Variants in GABRB1 observed in about 807,000 individuals in gnomAD.
GABRB1 encodes gamma-aminobutyric acid receptor subunit beta-1.
GABRB1 carries 17 observed loss-of-function variants against 51.6 expected under a neutral mutation model. The ratio of observed to expected loss-of-function variants is 0.33; its 90% CI spans 0.23 to 0.49. The LOEUF is 0.49. Ranked by LOEUF, GABRB1 falls within the 20% of genes least tolerant of loss-of-function variation. The pLI, the probability that GABRB1 is intolerant of heterozygous loss-of-function variation, is 0.99. For missense variants in GABRB1, 410 were observed against 600.6 expected (o/e 0.68, Z 3.32); for synonymous variants, 247 against 218.9 (o/e 1.13, Z -1.14).
intron 4 of GABRB1, among the ~76,000 whole-genome samples, chr4:47,312,233 C>G (rs571006943): frequency 2.0e-5 from 3 of 152,158 alleles, no homozygotes; most frequent in African/African-American, 7.2e-5. Flanking sequence ...ACCTAAATTC[C>G]TCTTAAATCT....
intron 4 of GABRB1, among the ~76,000 whole-genome samples, chr4:47,264,230 G>A (rs1722561027): frequency 6.6e-6 from 1 of 152,246 alleles, no homozygotes; most frequent in African/African-American, 2.4e-5. Context: ...TCATAGGAAA[G>A]ACTTAAACCC....
chr4:47,198,347 G>C (rs2109793191), intron 4 of GABRB1, among the ~76,000 whole-genome samples: 1 of 152,218 alleles, frequency 6.6e-6, no homozygotes, highest in Non-Finnish European at 1.5e-5. Context: ...GAGGAAATGT[G>C]GCTTTGTAAA....
chr4:47,195,468 TAGATAGATA>T (rs1719644922), intron 4 of GABRB1, among the ~76,000 whole-genome samples: 13 of 88,106 alleles, frequency 1.5e-4, no homozygotes, highest in South Asian at 1.3e-3. Context: ...AGATGATAGA[TAGATAGATA>T]GATAGATAGA....
At chr4:47,296,311 G>C (rs1243031795) in intron 4 of GABRB1, among the ~76,000 whole-genome samples, 2 of 152,120 alleles carry the variant, frequency 1.3e-5, no homozygotes, top group Admixed American at 1.3e-4. Context: ...GACACAGACT[G>C]GCAAATTGGA....
chr4:47,391,108 G>A (rs1235910554), intron 5 of GABRB1, among the ~76,000 whole-genome samples: 2 of 152,024 alleles, frequency 1.3e-5, no homozygotes, highest in Non-Finnish European at 2.9e-5. Context: ...CATGGGAGGT[G>A]GAGATTGCAG....
intron 3 of GABRB1, among the ~76,000 whole-genome samples, chr4:47,041,556 C>T (rs144670398): frequency 4.6e-4 from 70 of 152,172 alleles, no homozygotes; most frequent in African/African-American, 1.6e-3. Context: ...ATGGATTAAT[C>T]AGAGAAGTTG....
intron 3 of GABRB1, among the ~76,000 whole-genome samples, chr4:47,078,880 C>A (rs1191641810): frequency 6.6e-6 from 1 of 152,144 alleles, no homozygotes; most frequent in African/African-American, 2.4e-5. Context: ...CAGGGTTCTG[C>A]TCTCTGCTAA....
chr4:47,422,919 G>T (rs527553955), intron 8 of GABRB1, among the ~76,000 whole-genome samples: 1 of 152,148 alleles, frequency 6.6e-6, no homozygotes, highest in Admixed American at 6.5e-5. Flanking sequence ...CTAATCAGTT[G>T]CCAAATCAAT....
intron 3 of GABRB1, among the ~76,000 whole-genome samples, chr4:47,126,273 G>T (rs1369668306): frequency 6.6e-6 from 1 of 152,078 alleles, no homozygotes; most frequent in Non-Finnish European, 1.5e-5. Context: ...GGCCAAGTTG[G>T]GGGCAAAGAT....
At chr4:47,409,122 A>G (rs1728675998) in intron 8 of GABRB1, among the ~76,000 whole-genome samples, 1 of 152,198 alleles carries the variant, frequency 6.6e-6, no homozygotes, top group Admixed American at 6.5e-5. Context: ...GAGCCGGGGC[A>G]AGCACTTTTG....
intron 4 of GABRB1, among the ~76,000 whole-genome samples, chr4:47,225,765 T>C (rs948074001): frequency 4.6e-5 from 7 of 152,190 alleles, no homozygotes; most frequent in Non-Finnish European, 7.4e-5. Flanking sequence ...ATTAGATCTG[T>C]TAATCACCAT....
chr4:47,350,218 T>TATATAGAGAGAG (rs750199965), intron 5 of GABRB1, among the ~76,000 whole-genome samples: 59 of 56,636 alleles, frequency 1.0e-3, no homozygotes, highest in East Asian at 2.7e-3. Context: ...TATATATATA[T>TATATAGAGAGAG]AGAGAGAGAG....
intron 8 of GABRB1, among the ~76,000 whole-genome samples, chr4:47,418,675 T>C (rs1016886402): frequency 6.6e-6 from 1 of 152,180 alleles, no homozygotes; most frequent in Non-Finnish European, 1.5e-5. Context: ...TGCTTCTATA[T>C]GCCAAGTACT....
intron 3 of GABRB1, among the ~76,000 whole-genome samples, chr4:47,034,730 A>C (rs1205321962): frequency 1.3e-5 from 2 of 152,206 alleles, no homozygotes; most frequent in Non-Finnish European, 2.9e-5. Context: ...TAACTCCAAG[A>C]AAAATGGAAA....
chr4:47,425,898 G>C lies in GABRB1; in HGVS notation c.1305G>C (p.Gln435His). The C allele has an allele frequency of 6.2e-7, 1 of 1,614,110 alleles. No homozygotes were observed. The highest frequency in any genetic ancestry group is 8.5e-7 in the Non-Finnish European group (1 of 1,179,944). Residue 435 changes from glutamine to histidine, a missense_variant, in exon 9 of 9, where the codon CAG becomes CAC. Gln to His is a conservative substitution (Grantham distance 24, BLOSUM62 0). Transcript: ENST00000295454. Reference protein sequence around the residue: ...SKGRIRRRASQLKVKIPDLTD... With the variant: ...SKGRIRRRASHLKVKIPDLTD... Reference sequence around the variant, plus strand: ...GGCGCATCCGCAGGCGTGCCTCCCAGCTCAAAGTCAAGATCCCCGACTTGA... The same window carrying C: ...GGCGCATCCGCAGGCGTGCCTCCCACCTCAAAGTCAAGATCCCCGACTTGA...
At chr4:47,397,072 C>A (rs1250411164) in intron 5 of GABRB1, among the ~76,000 whole-genome samples, 2 of 151,946 alleles carry the variant, frequency 1.3e-5, no homozygotes, top group African/African-American at 4.8e-5. Flanking sequence ...ATATGAACTG[C>A]AATTATTTTT....
chr4:47,283,403 T>C (rs1411469705), intron 4 of GABRB1, among the ~76,000 whole-genome samples: 5 of 94,272 alleles, frequency 5.3e-5, no homozygotes, highest in Non-Finnish European at 7.9e-5. Context: ...TTTTTTTTTT[T>C]GAGACAGAGT....
chr4:47,072,221 T>G (rs1727369112), intron 3 of GABRB1, among the ~76,000 whole-genome samples: 2 of 152,206 alleles, frequency 1.3e-5, no homozygotes, highest in Non-Finnish European at 2.9e-5. Flanking sequence ...TACACTGCAG[T>G]GCTTAGGTGT....
At chr4:47,232,020 T>A in intron 4 of GABRB1, among the ~76,000 whole-genome samples, 1 of 152,166 alleles carries the variant, frequency 6.6e-6, no homozygotes, top group East Asian at 1.9e-4. Flanking sequence ...ATTTTTGTAG[T>A]CTACAAATGA....
Sources: allele counts gnomAD v4.1 joint callset (sites outside exome capture counted in the v4.1 genomes callset), GRCh38; gene constraint gnomAD v4.1.1; transcripts MANE v1.5; gene names NCBI Gene and HGNC (gene_info 2026-07-23, HGNC 2026-07-21).